Variants in ACSM2A observed in about 807,000 individuals in gnomAD.
ACSM2A encodes the protein acyl-coenzyme A synthetase ACSM2A, mitochondrial.
ACSM2A carries 72 observed loss-of-function variants against 76.6 expected under a neutral mutation model. The ratio of observed to expected loss-of-function variants is 0.94; its 90% CI spans 0.78 to 1.14. The LOEUF (loss-of-function observed/expected upper bound fraction) is 1.14, where lower values mean the gene tolerates loss of function less well. ACSM2A is among the 50% of genes most tolerant of loss of function. The probability of loss-of-function intolerance (pLI) is 0.00; values close to 1 mark genes in which losing one functional copy is unlikely to be tolerated. For missense variants in ACSM2A, 684 were observed against 708.5 expected (o/e 0.97, Z 0.39); for synonymous variants, 249 against 255.9 (o/e 0.97, Z 0.26).
chr16:20,485,241 T>A (rs1261170033), intron 13 of ACSM2A, among the ~76,000 whole-genome samples: 1 of 152,200 alleles, frequency 6.6e-6, no homozygotes, highest in Non-Finnish European at 1.5e-5. Flanking sequence ...TGTAGAAGGC[T>A]GAGTCAAGGA....
chr16:20,472,202 G>C (rs991728619), intron 6 of ACSM2A, among the ~76,000 whole-genome samples: 9 of 152,082 alleles, frequency 5.9e-5, no homozygotes, highest in African/African-American at 2.2e-4. Context: ...TAGTCAGCTT[G>C]GGCTACTATA....
At chr16:20,471,375 C>T (rs2013385716) in intron 5 of ACSM2A, among the ~76,000 whole-genome samples, 159 bp downstream of exon 5, 1 of 151,330 alleles carries the variant, frequency 6.6e-6, no homozygotes, top group Non-Finnish European at 1.5e-5. Context: ...AACTTTTCTT[C>T]CCCCTTCCTA....
At chr16:20,458,900 A>G (rs952941617) in intron 1 of ACSM2A, among the ~76,000 whole-genome samples, 4 of 50,858 alleles carry the variant, frequency 7.9e-5, no homozygotes, top group African/African-American at 6.9e-4. Flanking sequence ...TATTATATAT[A>G]TATGCATATA....
chr16:20,460,071 A>T (rs1425878004), intron 1 of ACSM2A, 36 bp from the exon 2 acceptor site: 1 of 1,567,288 alleles, frequency 6.4e-7, no homozygotes, highest in Admixed American at 1.9e-5. Flanking sequence ...AATCTGTTAA[A>T]GAAGCTCTCA....
At chr16:20,471,005 A>G (rs1486167617) in intron 4 of ACSM2A, 68 bp from the exon 5 acceptor site, 72 of 1,601,178 alleles carry the variant, frequency 4.5e-5, no homozygotes, top group Non-Finnish European at 5.5e-5. Context: ...TGGTGGGAAA[A>G]GATGGGTCAC....
At chr16:20,486,067 A>G (rs1003259038) in intron 13 of ACSM2A, among the ~76,000 whole-genome samples, 1 of 152,264 alleles carries the variant, frequency 6.6e-6, no homozygotes, top group Non-Finnish European at 1.5e-5. Flanking sequence ...TAATTCTTAG[A>G]TGTCTAAAGA....
intron 1 of ACSM2A, among the ~76,000 whole-genome samples, chr16:20,459,076 A>G (rs2012441273): frequency 6.6e-6 from 1 of 151,608 alleles, no homozygotes; most frequent in Admixed American, 6.6e-5. Context: ...GTTCTCAGCC[A>G]TAAGTGGGAG....
intron 13 of ACSM2A, among the ~76,000 whole-genome samples, chr16:20,486,180 C>T (rs1006769080): frequency 1.3e-5 from 2 of 152,230 alleles, no homozygotes; most frequent in African/African-American, 4.8e-5. Context: ...TGTAATCACC[C>T]AATGAAGTTA....
At position 20,475,541 on chromosome 16, in the gene ACSM2A, A is replaced by G; in HGVS notation, c.974+100A>G. 3.1e-6 allele frequency: 5 copies of G among 1,603,034 alleles called. No homozygotes were observed. The South Asian group carries it at 4.5e-5, about 14-fold the overall frequency. The stretch of plus-strand genomic sequence containing the variant: ...CTATCTGAATCTCTCGCACACAGAG[A>G]GCCCCATGAAGCCATTTGCATCATC... On this transcript the variant is annotated intron_variant, in intron 7 of 13. Coordinates refer to ENST00000573854, the MANE Select transcript of ACSM2A (RefSeq NM_001308172.2).
At chr16:20,486,251 T>G (rs4783531) in intron 13 of ACSM2A, among the ~76,000 whole-genome samples, 88,896 of 152,144 alleles carry the variant, frequency 0.58, 27,774 homozygotes, top group Non-Finnish European at 0.7. Flanking sequence ...AGGACCTGGC[T>G]AAAGCCAGAT....
rs374969227 is a variant in ACSM2A at position 20,486,557 on chromosome 16, G to A, written c.1630-17G>A. On this transcript the variant is annotated splice_polypyrimidine_tract_variant and intron_variant, in intron 13 of 13. Coordinates refer to ENST00000573854, the MANE Select transcript of ACSM2A (RefSeq NM_001308172.2). ...CGTCACAGATCACCCACCCTGGACT[G>A]ATTTGTTTTTCAACAGATAGAGTTT... 119 of 1,613,732 alleles carry A rather than the reference G, an allele frequency of 7.4e-5. No individual in the cohort carries two copies. The highest frequency in any genetic ancestry group is 2.7e-4 in the South Asian group (25 of 91,052).
chr16:20,459,336 T>C (rs1476155542), intron 1 of ACSM2A, among the ~76,000 whole-genome samples: 1 of 152,196 alleles, frequency 6.6e-6, no homozygotes, highest in Non-Finnish European at 1.5e-5. Flanking sequence ...TCCTGTGCAC[T>C]AGATGGATAG....
In ACSM2A at chr16:20,477,215, T is replaced by C. The variant is rs2013797006; in HGVS notation, c.1099-154T>C. On this transcript the variant is annotated intron_variant, in intron 8 of 13. Coordinates refer to ENST00000573854, the MANE Select transcript of ACSM2A (RefSeq NM_001308172.2). ...GCCCCTAGGATTGTGGTTCCAGTAA[T>C]GGGGAGAGAGCCAGGGAATGAGGAG... The C allele has an allele frequency of 3.9e-6, 5 of 1,291,750 alleles. No individual in the cohort carries two copies. In the Admixed American group the frequency reaches 9.3e-5, roughly 24 times the overall value. The allele number at this position is 1,291,750 out of a possible 1,614,324, so 80.0% of individuals were successfully genotyped here.
In ACSM2A at chr16:20,461,723, A is replaced by G. The variant is rs139680444; in HGVS notation, c.177+1432A>G. On this transcript the variant is annotated intron_variant, in intron 2 of 13. Coordinates refer to ENST00000573854, the MANE Select transcript of ACSM2A (RefSeq NM_001308172.2). ...AATTTCTCACCCTCCCTCATAATAA[A>G]AGTAATGCAAGTGATAATTTTGCTG... Among the ~76,000 whole-genome samples the G allele has an allele frequency of 2.4e-3, 370 of 152,280 alleles. 1 individual carries two copies. The highest frequency in any genetic ancestry group is 8.4e-3 in the African/African-American group (351 of 41,562).
intron 7 of ACSM2A, 80 bp from the exon 8 acceptor site, chr16:20,475,570 G>A: frequency 1.2e-6 from 2 of 1,606,312 alleles, no homozygotes; most frequent in Non-Finnish European, 8.5e-7. Context: ...CATCATCAAA[G>A]CACCCAGAAA....
intron 5 of ACSM2A, 111 bp downstream of exon 5, chr16:20,471,327 C>G (rs1292304503): frequency 4.6e-6 from 7 of 1,517,558 alleles, no homozygotes; most frequent in Admixed American, 4.1e-5. Context: ...ACCTTCTGAA[C>G]ATTCATCTCC....
rs2013696876 is a variant in ACSM2A at position 20,475,702 on chromosome 16, C to T, written c.1027C>T (p.Pro343Ser). 6.2e-7 allele frequency: 1 copy of T among 1,613,918 alleles called. No individual in the cohort carries two copies. The highest frequency in any genetic ancestry group is 1.3e-5 in the African/African-American group (1 of 74,904). Reference sequence around the variant, plus strand: ...CGTCACTGTAGGGGAGTCCCTTCTTCCAGAAACTCTGGAGAACTGGAGGGC... The same window carrying T: ...CGTCACTGTAGGGGAGTCCCTTCTTTCAGAAACTCTGGAGAACTGGAGGGC... ...NCVTVGESLL[P>S]ETLENWRAQT... Residue 343 changes from proline (P) to serine (S), a missense_variant, in exon 8 of 14, where the codon CCA becomes TCA. Around this residue, in one of 3 missense-constraint regions of ACSM2A, gnomAD observed 519 missense variants for 549.5 expected, o/e 0.94. Coordinates refer to ENST00000573854, the MANE Select transcript of ACSM2A (RefSeq NM_001308172.2).
chr16:20,463,773 G>T (rs2012780978), intron 2 of ACSM2A, among the ~76,000 whole-genome samples: 1 of 152,124 alleles, frequency 6.6e-6, no homozygotes, highest in South Asian at 2.1e-4. Flanking sequence ...CACAGTATTT[G>T]GTTTTTTGTG....
intron 1 of ACSM2A, among the ~76,000 whole-genome samples, chr16:20,457,584 T>C (rs2012264194): frequency 6.6e-6 from 1 of 152,056 alleles, no homozygotes; most frequent in African/African-American, 2.4e-5. Flanking sequence ...TCTCAATAGA[T>C]GTAGAAAAAG....
Sources: allele counts gnomAD v4.1 joint callset (sites outside exome capture counted in the v4.1 genomes callset), GRCh38; gene constraint gnomAD v4.1.1; regional missense constraint gnomAD v4.1.1; transcripts MANE v1.5; gene names NCBI Gene and HGNC (gene_info 2026-07-23, HGNC 2026-07-21).